RDH11: variants seen among roughly 807,000 people sequenced by gnomAD.
The protein encoded by RDH11 is retinol dehydrogenase 11, also known as HCV core-binding protein HCBP12.
In RDH11, 19 loss-of-function variants were observed where a neutral mutation model predicts 33.4. That is an observed-to-expected ratio of 0.57 (90% CI 0.40 to 0.83). The LOEUF is 0.83. Among genes scored for constraint, RDH11 ranks in the 40% least tolerant of loss-of-function variants. The pLI is 0.00. For synonymous variants in RDH11, 154 were observed against 155.3 expected (o/e 0.99, Z 0.06); for missense variants, 353 against 389.0 (o/e 0.91, Z 0.78).
intron 5 of RDH11, chr14:67,686,125 C>G (rs1279020518): frequency 6.6e-6 from 1 of 152,232 alleles, no homozygotes; most frequent in Non-Finnish European, 1.5e-5. Context: ...ACTGCAGACA[C>G]ACTGGGAGTC....
chr14:67,683,330 T>G (rs2037637467), intron 6 of RDH11, among the ~76,000 whole-genome samples: 1 of 152,164 alleles, frequency 6.6e-6, no homozygotes, highest in Non-Finnish European at 1.5e-5. Flanking sequence ...CCAGTCACTC[T>G]TGGAAAATCA....
intron 6 of RDH11, among the ~76,000 whole-genome samples, chr14:67,679,436 C>T (rs2037585917): frequency 6.7e-6 from 1 of 148,990 alleles, no homozygotes; most frequent in Non-Finnish European, 1.5e-5. Flanking sequence ...CGGAGTCTCA[C>T]TCTGTCGCCC....
intron 4 of RDH11, chr14:67,690,887 C>T (rs2037741234): frequency 2.0e-6 from 1 of 493,366 alleles, no homozygotes; most frequent in Non-Finnish European, 3.6e-6. Context: ...GCAACACAGT[C>T]CCCTAAACCA....
At chr14:67,689,756 C>A (rs1391852543) in intron 5 of RDH11, among the ~76,000 whole-genome samples, 4 of 152,216 alleles carry the variant, frequency 2.6e-5, no homozygotes, top group South Asian at 2.1e-4. Flanking sequence ...CCACCCTGAC[C>A]AACATGGTGA....
intron 2 of RDH11, 147 bp from the exon 3 acceptor site, chr14:67,692,740 G>T: frequency 2.1e-6 from 2 of 975,526 alleles, no homozygotes; most frequent in Admixed American, 2.7e-5. Flanking sequence ...AATAGGTAAA[G>T]AAAAATAAAT....
Position 67,695,699 on chromosome 14 carries a change from A to C in RDH11, c.5T>G (p.Val2Gly). The change falls in exon 1 of 7, where the codon GTT becomes GGT. Residue 2 changes from valine to glycine, a missense_variant. Transcript: ENST00000381346. ...GAGCAACAGCGGGAACATGAGCTCA[A>C]CCATCTCTGCCGGCTGCAGCGGCAC... is the stretch of plus-strand genomic sequence containing the variant. MVELMFPLLLLL... is the reference protein window; with the variant it reads MGELMFPLLLLL... 6.2e-7 allele frequency: 1 copy of C among 1,614,082 alleles called. No homozygotes were observed. The highest frequency in any genetic ancestry group is 8.5e-7 in the Non-Finnish European group (1 of 1,179,954).
At chr14:67,692,185 T>C in intron 3 of RDH11, 1 of 438,048 alleles carries the variant, frequency 2.3e-6, no homozygotes. Flanking sequence ...TACTGAGTGC[T>C]GAGACTCCCA....
intron 6 of RDH11, among the ~76,000 whole-genome samples, chr14:67,682,235 CT>C (rs2037624714): frequency 1.3e-5 from 2 of 152,272 alleles, no homozygotes; most frequent in South Asian, 4.1e-4. Flanking sequence ...TTAGATATGA[CT>C]GCACAAGTGA....
intron 3 of RDH11, 25 bp downstream of exon 3, chr14:67,692,413 A>G (rs1234741486): frequency 1.9e-6 from 3 of 1,613,094 alleles, no homozygotes; most frequent in East Asian, 2.2e-5. Context: ...GACCCACAAC[A>G]TAGTCTCTCT....
intron 6 of RDH11, among the ~76,000 whole-genome samples, chr14:67,679,797 A>G (rs548696198): frequency 6.6e-6 from 1 of 152,326 alleles, no homozygotes; most frequent in South Asian, 2.1e-4. Context: ...GATCTGGTAT[A>G]CATCTGGTAA....
intron 1 of RDH11, 60 bp downstream of exon 1, chr14:67,695,570 A>C: frequency 2.6e-6 from 4 of 1,523,346 alleles, no homozygotes; most frequent in Non-Finnish European, 3.6e-6. Flanking sequence ...TGGGGATTCT[A>C]TGTTTCCCTC....
chr14:67,692,891 A>G (rs759984192), intron 2 of RDH11, 43 bp downstream of exon 2: 3 of 1,306,842 alleles, frequency 2.3e-6, no homozygotes, highest in Non-Finnish European at 3.3e-6. Flanking sequence ...TGTGAGGGGT[A>G]AAACAGCAGT....
chr14:67,682,507 T>C (rs545866778), intron 6 of RDH11, among the ~76,000 whole-genome samples: 2 of 152,082 alleles, frequency 1.3e-5, no homozygotes, highest in South Asian at 4.2e-4. Context: ...TGAAAGAATG[T>C]TCAACATCAT....
At position 67,690,424 on chromosome 14, in the gene RDH11, G is replaced by C. The variant is rs1453265521; in HGVS notation, c.455-3C>G. On this transcript the variant is annotated splice_polypyrimidine_tract_variant and splice_region_variant and intron_variant, in intron 4 of 6. Transcript: ENST00000381346. ...CAGATGGGTTAGGAGGAAGTGACCT[G>C]TTGAGAAATACTAGAATTAATGAAG... 1 of 1,613,358 alleles carries C rather than the reference G, an allele frequency of 6.2e-7. No individual in the cohort carries two copies. Among genetic ancestry groups the C allele is most frequent in the Non-Finnish European group, 8.5e-7 (1 of 1,179,292 alleles).
chr14:67,690,976 C>G, intron 4 of RDH11, 164 bp downstream of exon 4: 1 of 636,430 alleles, frequency 1.6e-6, no homozygotes, highest in South Asian at 2.0e-5. Flanking sequence ...TGGAGCAGCC[C>G]TCAGGTATTC....
At chr14:67,691,338 G>T in intron 3 of RDH11, 94 bp from the exon 4 acceptor site, 1 of 763,862 alleles carries the variant, frequency 1.3e-6, no homozygotes, top group East Asian at 2.5e-5. Context: ...AAATGAGGAT[G>T]CAGGACTTCA....
chr14:67,684,493 T>C (rs2037652032), intron 6 of RDH11: 1 of 152,246 alleles, frequency 6.6e-6, no homozygotes, highest in Non-Finnish European at 1.5e-5. Context: ...CAAAATTCTC[T>C]ACATTTAAAT....
rs1001892104 is a variant in RDH11 at position 67,692,995 on chromosome 14, A to G, written c.132T>C (p.Val44=). 6.2e-6 allele frequency: 10 copies of G among 1,614,030 alleles called. No homozygotes were observed. The highest frequency in any genetic ancestry group is 1.7e-5 in the Admixed American group (1 of 60,002). ...TSTVQLPGKV[V]VVTGANTGIG... is the part of the protein sequence containing the mutation. ...TACCTGTATTAGCTCCTGTGACCAC[A>G]ACTACTTTCCCAGGAAGCTGAACAG... Residue 44 remains valine, a synonymous_variant, in exon 2 of 7, where the codon GTT becomes GTC. Transcript: ENST00000381346.
At chr14:67,691,269 T>C (rs1277318724) in intron 3 of RDH11, 25 bp from the exon 4 acceptor site, 2 of 1,551,728 alleles carry the variant, frequency 1.3e-6, no homozygotes, top group Middle Eastern at 1.7e-4. Flanking sequence ...CGATGGAGCG[T>C]GGAAGTGGCT....
Sources: gnomAD v4.1 joint callset for allele counts (sites outside exome capture counted in the v4.1 genomes callset) on GRCh38, gnomAD v4.1.1 for gene constraint, MANE v1.5 for transcripts, NCBI Gene and HGNC (gene_info 2026-07-23, HGNC 2026-07-21) for gene names.